Variants in XPA observed in about 807,000 individuals in gnomAD.
The protein encoded by XPA is XPA, DNA damage recognition and repair factor, also known as DNA repair protein complementing XP-A cells.
In XPA, 27 loss-of-function variants were observed where a neutral mutation model predicts 35.7. The ratio of observed to expected loss-of-function variants is 0.76; its 90% confidence interval spans 0.56 to 1.04. XPA has a LOEUF of 1.04. XPA is among the 50% of genes least tolerant of loss of function. The pLI is 0.00. For missense variants in XPA, 354 were observed against 342.7 expected, an observed-to-expected ratio of 1.03 and a Z score of -0.26; for synonymous variants, 133 against 118.4, an observed-to-expected ratio of 1.12 and a Z score of -0.80.
intron 5 of XPA, chr9:97,675,955 G>A: frequency 4.1e-6 from 1 of 242,334 alleles, no homozygotes. Context: ...AGGAAAAGGA[G>A]TCAGCTGAAA....
downstream of XPA, chr9:97,672,331 T>C (rs1295419659): frequency 1.3e-5 from 2 of 152,160 alleles, no homozygotes; most frequent in African/African-American, 4.8e-5. Flanking sequence ...ACATCCCAAG[T>C]TTATGATGCA....
the XPA span, among the ~76,000 whole-genome samples, chr9:97,663,644 C>T: frequency 6.6e-6 from 1 of 151,874 alleles, no homozygotes; most frequent in Non-Finnish European, 1.5e-5. Context: ...ACCACCACAC[C>T]TGGCTGATTT....
chr9:97,661,464 A>G, the XPA span, among the ~76,000 whole-genome samples: 3 of 152,194 alleles, frequency 2.0e-5, no homozygotes, highest in Admixed American at 6.5e-5. Context: ...TCCAACCAGA[A>G]TCCTAGGAGT....
At chr9:97,675,658 A>G in intron 5 of XPA, 71 bp from the exon 6 acceptor site, 1 of 1,581,460 alleles carries the variant, frequency 6.3e-7, no homozygotes. Context: ...CAACTCCATC[A>G]AGCTTTCAGC....
intron 5 of XPA, among the ~76,000 whole-genome samples, chr9:97,683,681 AAG>A (rs757251088): frequency 4.4e-4 from 66 of 150,556 alleles, no homozygotes; most frequent in Non-Finnish European, 6.8e-4. Flanking sequence ...ATCATGCAAT[AAG>A]AGCTCTTTGT....
At chr9:97,664,414 C>T in the XPA span, 1 of 1,611,212 alleles carries the variant, frequency 6.2e-7, no homozygotes, top group East Asian at 2.2e-5. Context: ...ATTGGATCTT[C>T]TCTTCAGAAC....
At chr9:97,678,789 T>C (rs952513584) in intron 5 of XPA, among the ~76,000 whole-genome samples, 4 of 152,170 alleles carry the variant, frequency 2.6e-5, no homozygotes, top group Admixed American at 1.3e-4. Flanking sequence ...CCTCCAGATA[T>C]GAGGCCCGGA....
chr9:97,661,188 G>T, the XPA span: 1 of 1,262,968 alleles, frequency 7.9e-7, no homozygotes, highest in Admixed American at 2.6e-5. Flanking sequence ...GACCTGTTCA[G>T]ACTGTTGTTC....
the XPA span, among the ~76,000 whole-genome samples, chr9:97,658,059 T>C: frequency 6.6e-6 from 1 of 151,890 alleles, no homozygotes; most frequent in Non-Finnish European, 1.5e-5. Context: ...GGAGCCCTAG[T>C]TTCTAGTAAA....
chr9:97,691,482 A>T (rs573958088), intron 2 of XPA, among the ~76,000 whole-genome samples: 2 of 152,266 alleles, frequency 1.3e-5, no homozygotes, highest in Admixed American at 6.5e-5. Context: ...TGGGTGGATC[A>T]CTTGAGTCCA....
chr9:97,665,600 CT>C, the XPA span, among the ~76,000 whole-genome samples: 2 of 152,196 alleles, frequency 1.3e-5, no homozygotes, highest in Non-Finnish European at 2.9e-5. Context: ...GTGCTCTGCT[CT>C]TTTGTCCTGT....
intron 5 of XPA, among the ~76,000 whole-genome samples, chr9:97,678,853 C>T (rs1828452767): frequency 6.6e-6 from 1 of 152,162 alleles, no homozygotes; most frequent in South Asian, 2.1e-4. Flanking sequence ...TGCATCCAAC[C>T]AGCAGGACAC....
the XPA span, chr9:97,656,167 T>A: frequency 8.6e-7 from 1 of 1,157,104 alleles, no homozygotes; most frequent in Non-Finnish European, 1.3e-6. Flanking sequence ...GTGTTCAGAA[T>A]ATTGGATTCA....
intron 2 of XPA, among the ~76,000 whole-genome samples, chr9:97,691,195 AT>A (rs1480762685): frequency 6.6e-6 from 1 of 152,242 alleles, no homozygotes; most frequent in African/African-American, 2.4e-5. Flanking sequence ...CCTCCATTCT[AT>A]CCCCTACCAA....
chr9:97,682,507 A>T (rs1828578118), intron 5 of XPA: 1 of 510,462 alleles, frequency 2.0e-6, no homozygotes, highest in Non-Finnish European at 3.9e-6. Flanking sequence ...ACCAGAAGAC[A>T]GTGGAGTAAT....
At chr9:97,694,093 CAA>C (rs1219749303) in intron 1 of XPA, among the ~76,000 whole-genome samples, 2 of 152,228 alleles carry the variant, frequency 1.3e-5, no homozygotes, top group Non-Finnish European at 2.9e-5. Context: ...CTGAAAACTA[CAA>C]AACACTAAGA....
the XPA span, among the ~76,000 whole-genome samples, chr9:97,655,532 C>T: frequency 6.6e-6 from 1 of 152,088 alleles, no homozygotes; most frequent in Admixed American, 6.6e-5. Flanking sequence ...TGTCATTGAC[C>T]TAAAAAGGAT....
chr9:97,679,025 G>A lies in XPA; in HGVS notation c.674-3438C>T, dbSNP rs556597224. ...TAAAGCCAATACCCAATCCTAGACT[G>A]GATTCTGTTCTAGAAAGGAATTACT... On this transcript the variant is annotated intron_variant, in intron 5 of 5. Coordinates refer to ENST00000375128, the MANE Select transcript of XPA (RefSeq NM_000380.4). 2.6e-5 allele frequency among the ~76,000 whole-genome samples: 4 copies of A among 152,240 alleles called. No individual in the cohort carries two copies. The South Asian group carries it at 6.2e-4, about 24-fold the overall frequency.
downstream of XPA, among the ~76,000 whole-genome samples, chr9:97,674,504 T>G (rs1451835554): frequency 2.0e-5 from 3 of 152,200 alleles, no homozygotes; most frequent in South Asian, 6.2e-4. Context: ...TTTGAAAATA[T>G]CAGGTTATTT....
Sources: allele counts gnomAD v4.1 joint callset (sites outside exome capture counted in the v4.1 genomes callset), GRCh38; gene constraint gnomAD v4.1.1; transcripts MANE v1.5; gene names NCBI Gene and HGNC (gene_info 2026-07-23, HGNC 2026-07-21).